Variants in IKBKB observed in about 807,000 individuals in gnomAD.
The protein encoded by IKBKB is inhibitor of nuclear factor kappa B kinase subunit beta.
In IKBKB, 42 loss-of-function variants were observed where a neutral mutation model predicts 113.6. That is an observed-to-expected ratio of 0.37 (90% CI 0.29 to 0.48). IKBKB has a LOEUF of 0.48. Ranked by LOEUF, IKBKB falls within the 20% of genes least tolerant of loss-of-function variation. The pLI is 0.99. For missense variants in IKBKB, 673 were observed against 939.7 expected (o/e 0.72, Z 3.71); for synonymous variants, 296 against 361.3 (o/e 0.82, Z 2.05).
Position 42,329,066 on chromosome 8 carries a change from G to A in IKBKB, c.2115-58G>A, listed in dbSNP as rs17875730. ...CTCTCTAGCATATTTTAAAATAGCA[G>A]TGTTAGCTCTGATAACTAATAATGA... On this transcript the variant is annotated intron_variant, in intron 20 of 21. Transcript: ENST00000520810. 3.3e-3 allele frequency: 4,230 copies of A among 1,295,674 alleles called. 76 individuals carry two copies. The African/African-American group carries it at 0.045, about 14-fold the overall frequency. 80.3% of individuals were successfully genotyped at this position (1,295,674 alleles called of 1,614,324 possible). A position where few individuals can be genotyped will look rare whatever the true frequency, so the allele number is the denominator to read the frequency against.
At chr8:42,297,552 T>C (rs757750920) in intron 5 of IKBKB, among the ~76,000 whole-genome samples, 1 of 152,134 alleles carries the variant, frequency 6.6e-6, no homozygotes, top group Non-Finnish European at 1.5e-5. Context: ...ATAGGATTTT[T>C]CCACTGAATT....
intron 8 of IKBKB, 145 bp downstream of exon 8, chr8:42,309,170 C>A: frequency 2.3e-6 from 2 of 869,302 alleles, no homozygotes; most frequent in Non-Finnish European, 3.5e-6. Flanking sequence ...CAGGACCTAG[C>A]ACGAGTAGGG....
chr8:42,324,478 T>A (rs192950427), intron 19 of IKBKB, among the ~76,000 whole-genome samples: 1 of 152,240 alleles, frequency 6.6e-6, no homozygotes, highest in East Asian at 1.9e-4. Flanking sequence ...TTGGCCAGGC[T>A]GGTCTCGAAC....
At position 42,316,222 on chromosome 8, in the gene IKBKB, G is replaced by A; in HGVS notation, c.813G>A (p.Glu271=). ...YPNNLNSVLA[E]RLEKWLQLML... ...CTCCTCTCCACAGTGTCCTGGCTGA[G>A]CGACTGGAGAAGTGGCTGCAACTGA... is the stretch of plus-strand genomic sequence containing the variant. Residue 271 remains glutamate (E), a synonymous_variant, in exon 10 of 22, where the codon GAG becomes GAA. Coordinates refer to ENST00000520810, the MANE Select transcript of IKBKB (RefSeq NM_001556.3). The surrounding 1 kb of genome is among the most constrained non-coding windows in gnomAD (Gnocchi z 4.5). 2 of 1,614,160 alleles carry A rather than the reference G, an allele frequency of 1.2e-6. No homozygotes were observed. The highest frequency in any genetic ancestry group is 2.2e-5 in the East Asian group (1 of 44,892).
Position 42,280,401 on chromosome 8 carries a change from A to G in IKBKB, c.105+8196A>G, listed in dbSNP as rs574818917. On this transcript the variant is annotated intron_variant, in intron 2 of 21. Coordinates refer to ENST00000520810, the MANE Select transcript of IKBKB (RefSeq NM_001556.3). ...CCGTTTAGATAGGCTGATATTTTCA[A>G]TGAGACCTTTGTTAAATACAAAGGA... Among the ~76,000 whole-genome samples, 81 of 152,270 alleles carry G rather than the reference A, an allele frequency of 5.3e-4. 1 individual carries two copies. Among genetic ancestry groups the G allele is most frequent in the African/African-American group, 1.9e-3 (79 of 41,550 alleles).
intron 8 of IKBKB, among the ~76,000 whole-genome samples, chr8:42,313,009 A>C (rs1438454387): frequency 6.6e-6 from 1 of 152,172 alleles, no homozygotes; most frequent in African/African-American, 2.4e-5. Context: ...CTTTAGTCCA[A>C]ATTGGGGGAC....
chr8:42,312,894 G>T (rs1817986794), intron 8 of IKBKB, among the ~76,000 whole-genome samples: 2 of 152,220 alleles, frequency 1.3e-5, no homozygotes, highest in African/African-American at 4.8e-5. Context: ...AAAAACCGTA[G>T]TTGGACATTC....
Position 42,318,686 on chromosome 8 carries a change from A to G in IKBKB, c.1364+11A>G. Reference sequence around the variant, plus strand: ...ACAGCGAGCCGCCATGTAGCGTGCCAGGCTTTTTTTTTAAACTTAATTTAT... The same window carrying G: ...ACAGCGAGCCGCCATGTAGCGTGCCGGGCTTTTTTTTTAAACTTAATTTAT... On this transcript the variant is annotated intron_variant, in intron 13 of 21. Coordinates refer to ENST00000520810, the MANE Select transcript of IKBKB (RefSeq NM_001556.3). 1.9e-6 allele frequency: 3 copies of G among 1,582,022 alleles called. No homozygotes were observed. The highest frequency in any genetic ancestry group is 2.6e-6 in the Non-Finnish European group (3 of 1,166,036).
intron 13 of IKBKB, chr8:42,318,987 C>A: frequency 1.8e-6 from 1 of 541,706 alleles, no homozygotes; most frequent in East Asian, 3.1e-5. Context: ...CCTGACCGTG[C>A]TGCTGGGGAC....
rs201788890 is a variant in IKBKB at position 42,316,261 on chromosome 8, C to T, written c.852C>T (p.His284=). The T allele has an allele frequency of 1.9e-6, 3 of 1,613,956 alleles. No individual in the cohort carries two copies. The highest frequency in any genetic ancestry group is 2.5e-6 in the Non-Finnish European group (3 of 1,179,996). Residue 284 remains histidine (H), a synonymous_variant, in exon 10 of 22, where the codon CAC becomes CAT. Coordinates refer to ENST00000520810, the MANE Select transcript of IKBKB (RefSeq NM_001556.3). The surrounding 1 kb of genome is among the most constrained non-coding windows in gnomAD (Gnocchi z 4.5). ...EKWLQLMLMW[H]PRQRGTDPTY... is the part of the protein sequence containing the mutation. ...GGCTGCAACTGATGCTGATGTGGCA[C>T]CCCCGACAGAGGGGCACGGATCCCA...
intron 4 of IKBKB, 125 bp from the exon 5 acceptor site, chr8:42,293,318 G>A (rs1401397157): frequency 3.5e-6 from 4 of 1,146,386 alleles, no homozygotes; most frequent in Non-Finnish European, 5.0e-6. Flanking sequence ...TTCCTCAAAA[G>A]CAGGTCCCCT....
In IKBKB at chr8:42,272,236, G is replaced by A. The variant is rs200856271; in HGVS notation, c.105+31G>A. ...CCCTCTGTGCAGCTTGGGGAGGGGC[G>A]GGGAGCCAGGCCCCCTCCTCACTGC... On this transcript the variant is annotated intron_variant, in intron 2 of 21. Coordinates refer to ENST00000520810, the MANE Select transcript of IKBKB (RefSeq NM_001556.3). The A allele has an allele frequency of 3.4e-5, 55 of 1,613,788 alleles. No homozygotes were observed. In the Middle Eastern group the frequency reaches 4.9e-4, roughly 15 times the overall value.
At chr8:42,329,881 C>T (rs1821462126) in intron 21 of IKBKB, 8 of 985,320 alleles carry the variant, frequency 8.1e-6, no homozygotes, top group Non-Finnish European at 9.6e-6. Flanking sequence ...ATGGCCTTTA[C>T]CTGCTAATCA....
intron 2 of IKBKB, among the ~76,000 whole-genome samples, chr8:42,279,102 A>G (rs538515537): frequency 1.3e-5 from 2 of 152,328 alleles, no homozygotes; most frequent in South Asian, 4.1e-4. Flanking sequence ...CAGGTCCTCA[A>G]TGATGCCTAC....
intron 2 of IKBKB, among the ~76,000 whole-genome samples, chr8:42,278,708 A>G (rs923868342): frequency 0.011 from 4 of 354 alleles, no homozygotes; most frequent in African/African-American, 0.043. Context: ...GACTTAAGAG[A>G]TATTTAGCCT....
At chr8:42,305,948 G>C (rs1000711611) in intron 6 of IKBKB, among the ~76,000 whole-genome samples, 2 of 152,234 alleles carry the variant, frequency 1.3e-5, no homozygotes, top group Non-Finnish European at 2.9e-5. Flanking sequence ...GCTCGCCCTT[G>C]TTCCAGTTCA....
In IKBKB at chr8:42,316,859, G is replaced by A. The variant is rs187259170; in HGVS notation, c.1080G>A (p.Ala360=). 5.6e-6 allele frequency: 9 copies of A among 1,614,020 alleles called. No homozygotes were observed. The highest frequency in any genetic ancestry group is 4.5e-5 in the East Asian group (2 of 44,898). Residue 360 remains alanine, a synonymous_variant, in exon 11 of 22, where the codon GCG becomes GCA. Transcript: ENST00000520810. This position sits in a 1 kb window ranked among gnomAD's most constrained non-coding sequence, Gnocchi z 4.5. Reference sequence around the variant, plus strand: ...AGCTGCTGCAGGAAGCGGGCCTGGCGTTGATCCCCGATAAGCCTGCCACTC... The same window carrying A: ...AGCTGCTGCAGGAAGCGGGCCTGGCATTGATCCCCGATAAGCCTGCCACTC... ...DQELLQEAGL[A]LIPDKPATQC... is the part of the protein sequence containing the mutation.
chr8:42,324,632 A>C (rs1820394890), intron 19 of IKBKB: 1 of 152,336 alleles, frequency 6.6e-6, no homozygotes, highest in Admixed American at 6.5e-5. Flanking sequence ...AAGGAACTTG[A>C]GTGTAGGGAT....
chr8:42,280,356 G>A (rs538774336), intron 2 of IKBKB, among the ~76,000 whole-genome samples: 1 of 152,242 alleles, frequency 6.6e-6, no homozygotes, highest in South Asian at 2.1e-4. Flanking sequence ...CCAGGGGTCA[G>A]CACAAACCAC....
Sources: allele counts gnomAD v4.1 joint callset (sites outside exome capture counted in the v4.1 genomes callset), GRCh38; gene constraint gnomAD v4.1.1; non-coding constraint Gnocchi (gnomAD v3.1); transcripts MANE v1.5; gene names NCBI Gene and HGNC (gene_info 2026-07-23, HGNC 2026-07-21).